Variants in LRRC4B observed in about 807,000 individuals in gnomAD.
LRRC4B encodes the protein leucine rich repeat containing 4B.
LRRC4B carries 1 observed loss-of-function variant against 7.3 expected under a neutral mutation model. The observed-to-expected ratio is 0.14, with a 90% CI of 0.05 to 0.65. The LOEUF is 0.65. LRRC4B is among the 30% of genes least tolerant of loss of function. LRRC4B has a pLI of 0.84. For missense variants in LRRC4B, 730 were observed against 1,041.6 expected (o/e 0.70, Z 4.12); for synonymous variants, 500 against 499.2 (o/e 1.00, Z -0.02).
chr19:50,549,249 G>C (rs977206877), intron 1 of LRRC4B, among the ~76,000 whole-genome samples: 2 of 152,332 alleles, frequency 1.3e-5, no homozygotes, highest in Non-Finnish European at 1.5e-5. Context: ...ATACATCAGA[G>C]GAGTGAGACA....
chr19:50,519,513 T>C lies in LRRC4B; in HGVS notation c.298-98A>G. ...GCGCAGGTGGGGCCGTGTGGCTGGA[T>C]CTCCCGTGCTGTGCTGTGACGGTAC... On this transcript the variant is annotated intron_variant, in intron 2 of 2. Coordinates refer to ENST00000652263, the MANE Select transcript of LRRC4B (RefSeq NM_001080457.2). The surrounding 1 kb of genome is among the most constrained non-coding windows in gnomAD (Gnocchi z 8.1). The C allele has an allele frequency of 8.3e-6, 12 of 1,448,940 alleles. 1 individual carries two copies. The South Asian group carries it at 1.7e-4, about 21-fold the overall frequency. 89.8% of individuals were successfully genotyped at this position (1,448,940 alleles called of 1,614,324 possible). A position where few individuals can be genotyped will look rare whatever the true frequency, so the allele number is the denominator to read the frequency against.
chr19:50,540,699 G>A (rs1230679852), intron 2 of LRRC4B, among the ~76,000 whole-genome samples: 4 of 151,638 alleles, frequency 2.6e-5, no homozygotes, highest in South Asian at 4.2e-4. Flanking sequence ...TGTGAACTGT[G>A]CAGGCGAGGG....
chr19:50,517,300 AG>A lies in LRRC4B; in HGVS notation c.*270del, dbSNP rs1255955209. 1 of 314,720 alleles carries A rather than the reference AG, an allele frequency of 3.2e-6. No homozygotes were observed. Among genetic ancestry groups the A allele is most frequent in the African/African-American group, 2.1e-5 (1 of 46,584 alleles). The allele number at this position is 314,720 out of a possible 1,614,324, so 19.5% of individuals were successfully genotyped here. A position where few individuals can be genotyped will look rare whatever the true frequency, so the allele number is the denominator to read the frequency against. On this transcript the variant is annotated 3_prime_UTR_variant, in exon 3 of 3. Coordinates refer to ENST00000652263, the MANE Select transcript of LRRC4B (RefSeq NM_001080457.2). The surrounding 1 kb of genome is among the most constrained non-coding windows in gnomAD (Gnocchi z 6.6). ...AGCGAGGAGGAAACGCGGAGAACTC[AG>A]GCCACTTCTCCTGGGTCCCACGTCC...
chr19:50,525,584 T>A (rs1671346290), intron 2 of LRRC4B, among the ~76,000 whole-genome samples: 1 of 150,612 alleles, frequency 6.6e-6, no homozygotes. Context: ...TTTTGTATTT[T>A]TTTTTTTTTT....
At chr19:50,520,725 G>A (rs973665451) in intron 2 of LRRC4B, among the ~76,000 whole-genome samples, 1 of 152,044 alleles carries the variant, frequency 6.6e-6, no homozygotes, top group African/African-American at 2.4e-5. Flanking sequence ...TCACCTGAGC[G>A]CAGAAGCTTG....
At chr19:50,544,439 G>A (rs953418814) in intron 2 of LRRC4B, among the ~76,000 whole-genome samples, 7 of 151,394 alleles carry the variant, frequency 4.6e-5, no homozygotes, top group African/African-American at 7.3e-5. Flanking sequence ...CCCGGGAGGC[G>A]GAGCTTGCAG....
chr19:50,530,004 C>T (rs1000773274), intron 2 of LRRC4B, among the ~76,000 whole-genome samples: 1 of 152,046 alleles, frequency 6.6e-6, no homozygotes, highest in Non-Finnish European at 1.5e-5. Context: ...TCATCCTCCC[C>T]GTCCAAAGCG....
chr19:50,523,551 G>A (rs764276322), intron 2 of LRRC4B, among the ~76,000 whole-genome samples: 1 of 151,778 alleles, frequency 6.6e-6, no homozygotes, highest in Non-Finnish European at 1.5e-5. Flanking sequence ...GGTGGGGGGT[G>A]CCTGTAATCC....
In LRRC4B at chr19:50,563,652, C is replaced by A. The variant is rs182290574; in HGVS notation, c.-36+4292G>T. Among the ~76,000 whole-genome samples, 2 of 152,198 alleles carry A rather than the reference C, an allele frequency of 1.3e-5. No individual in the cohort carries two copies. Among genetic ancestry groups the A allele is most frequent in the East Asian group, 1.9e-4 (1 of 5,200 alleles). On this transcript the variant is annotated intron_variant, in intron 1 of 2. Coordinates refer to ENST00000652263, the MANE Select transcript of LRRC4B (RefSeq NM_001080457.2). The surrounding 1 kb of genome is among the most constrained non-coding windows in gnomAD (Gnocchi z 4.9). ...TACAGAGAAGCCCACCCCCTGCCTACGGGCTGTGATGCCACATGCTGGGGA... is the reference window on the plus strand; with the variant it reads ...TACAGAGAAGCCCACCCCCTGCCTAAGGGCTGTGATGCCACATGCTGGGGA...
Position 50,553,841 on chromosome 19 carries a change from C to T in LRRC4B, c.-35-4968G>A, listed in dbSNP as rs2073297288. On this transcript the variant is annotated intron_variant, in intron 1 of 2. Transcript: ENST00000652263. The surrounding 1 kb of genome is among the most constrained non-coding windows in gnomAD (Gnocchi z 4.2). ...ATCATCACTGTGAGTCTATTTCCCC[C>T]CACGCTCACACACAGATACCCCCAC... Among the ~76,000 whole-genome samples the T allele has an allele frequency of 6.6e-6, 1 of 151,910 alleles. No homozygotes were observed. The highest frequency in any genetic ancestry group is 2.4e-5 in the African/African-American group (1 of 41,326).
Position 50,537,736 on chromosome 19 carries a change from C to A in LRRC4B, c.297+10806G>T, listed in dbSNP as rs532780088. ...TGAGAAAAAGTTAAGAAGAAACTGA[C>A]AAAGTATGGGAAATCCTATTTGAAA... On this transcript the variant is annotated intron_variant, in intron 2 of 2. Transcript: ENST00000652263. This position sits in a 1 kb window ranked among gnomAD's most constrained non-coding sequence, Gnocchi z 5.5. Among the ~76,000 whole-genome samples, 45 of 152,218 alleles carry A rather than the reference C, an allele frequency of 3.0e-4. No homozygotes were observed. The highest frequency in any genetic ancestry group is 1.1e-3 in the African/African-American group (45 of 41,530).
At chr19:50,539,886 C>CAA (rs79472746) in intron 2 of LRRC4B, among the ~76,000 whole-genome samples, 20 of 97,374 alleles carry the variant, frequency 2.1e-4, no homozygotes, top group Non-Finnish European at 3.3e-4. Context: ...GACTCCATCT[C>CAA]AAAAAAAAAA....
chr19:50,567,654 G>A (rs1038872131), intron 1 of LRRC4B, among the ~76,000 whole-genome samples: 1 of 147,744 alleles, frequency 6.8e-6, no homozygotes, highest in Non-Finnish European at 1.5e-5. Flanking sequence ...CCCCACAGCT[G>A]GATACGCAGC....
chr19:50,545,112 CAA>C (rs778283731), intron 2 of LRRC4B, among the ~76,000 whole-genome samples: 4 of 122,188 alleles, frequency 3.3e-5, no homozygotes, highest in African/African-American at 6.1e-5. Flanking sequence ...GACTCCATCT[CAA>C]AAAAAAAAAA....
At chr19:50,565,526 CGTGTGTGTGT>C (rs67157266) in intron 1 of LRRC4B, among the ~76,000 whole-genome samples, 5,136 of 147,290 alleles carry the variant, frequency 0.035, 281 homozygotes, top group African/African-American at 0.12. Context: ...TGTGTGCTCT[CGTGTGTGTGT>C]GTGTGTGTGT....
chr19:50,564,127 A>T (rs1207383735), intron 1 of LRRC4B, among the ~76,000 whole-genome samples: 1 of 152,092 alleles, frequency 6.6e-6, no homozygotes, highest in Non-Finnish European at 1.5e-5. Context: ...AGGGAAGATG[A>T]TCCCGATGCT....
rs1339477752 is a variant in LRRC4B, at chr19:50,517,058, C to CGCCG, written c.*509_*512dup. The CGCCG allele has an allele frequency of 2.0e-5, 3 of 151,868 alleles. No individual in the cohort carries two copies. Among genetic ancestry groups the CGCCG allele is most frequent in the Non-Finnish European group, 4.4e-5 (3 of 67,948 alleles). 9.4% of individuals were successfully genotyped at this position (151,868 alleles called of 1,614,324 possible). On this transcript the variant is annotated 3_prime_UTR_variant, in exon 3 of 3. Transcript: ENST00000652263. The surrounding 1 kb of genome is among the most constrained non-coding windows in gnomAD (Gnocchi z 6.6). ...TCCCCCCCGCGCCGACGACAGGGAC[C>CGCCG]GCCGGCCGGGAGCAGAGCCGGGCGC...
intron 2 of LRRC4B, among the ~76,000 whole-genome samples, chr19:50,546,793 G>A (rs922509895): frequency 1.3e-5 from 2 of 152,176 alleles, no homozygotes; most frequent in South Asian, 2.1e-4. Context: ...ATGTTGCCAC[G>A]GCCTGGGGCT....
chr19:50,547,206 G>A (rs1981853956), intron 2 of LRRC4B, among the ~76,000 whole-genome samples: 1 of 152,176 alleles, frequency 6.6e-6, no homozygotes, highest in Non-Finnish European at 1.5e-5. Flanking sequence ...TGTGGGAGGT[G>A]GGCGTGGACA....
Sources: allele counts gnomAD v4.1 joint callset (sites outside exome capture counted in the v4.1 genomes callset), GRCh38; gene constraint gnomAD v4.1.1; non-coding constraint Gnocchi (gnomAD v3.1); transcripts MANE v1.5; gene names NCBI Gene and HGNC (gene_info 2026-07-23, HGNC 2026-07-21).